The following RPRD1A variants were observed in gnomAD, a reference collection of about 807,000 sequenced individuals.
RPRD1A encodes regulation of nuclear pre-mRNA domain-containing protein 1A.
Under a neutral mutation model 37.8 loss-of-function variants are expected in RPRD1A, and 9 were observed. The ratio of observed to expected loss-of-function variants is 0.24; its 90% CI spans 0.14 to 0.42. RPRD1A has a LOEUF of 0.42. Among genes scored for constraint, RPRD1A ranks in the 10% least tolerant of loss-of-function variants. The pLI is 1.00. For synonymous variants in RPRD1A, 138 were observed against 139.7 expected (o/e 0.99, Z 0.08); for missense variants, 255 against 371.0 (o/e 0.69, Z 2.57).
chr18:35,991,621 G>T lies in RPRD1A; in HGVS notation c.*1530C>A, dbSNP rs1908721871. ...AAATGCACCCCAAGTCCCAAAAGTT[G>T]ACTAAAAACTTTGGAATAAGCCATG... On this transcript the variant is annotated 3_prime_UTR_variant, in exon 7 of 7. Transcript: ENST00000399022. 1 of 152,128 alleles carries T rather than the reference G, an allele frequency of 6.6e-6. No homozygotes were observed. Among genetic ancestry groups the T allele is most frequent in the Non-Finnish European group, 1.5e-5 (1 of 68,024 alleles). 9.4% of individuals were successfully genotyped at this position (152,128 alleles called of 1,614,324 possible).
chr18:36,040,589 C>T (rs915383012), intron 1 of RPRD1A, among the ~76,000 whole-genome samples: 1 of 152,022 alleles, frequency 6.6e-6, no homozygotes, highest in African/African-American at 2.4e-5. Flanking sequence ...CCCTGAGGTA[C>T]GTCATGAAAT....
At position 36,046,092 on chromosome 18, in the gene RPRD1A, T is replaced by C. The variant is rs1475116571; in HGVS notation, c.152-12255A>G. Among the ~76,000 whole-genome samples, 3 of 152,186 alleles carry C rather than the reference T, an allele frequency of 2.0e-5. No homozygotes were observed. The South Asian group carries it at 6.2e-4, about 31-fold the overall frequency. ...ATTAAAATTTTAATATAGGTCATGA[T>C]TTTTCTACTAAAACAGCAAAACAGA... On this transcript the variant is annotated intron_variant, in intron 1 of 6. Coordinates refer to ENST00000399022, the MANE Select transcript of RPRD1A (RefSeq NM_018170.5).
chr18:36,038,779 A>T (rs1349288769), intron 1 of RPRD1A, among the ~76,000 whole-genome samples: 1 of 152,152 alleles, frequency 6.6e-6, no homozygotes, highest in East Asian at 1.9e-4. Flanking sequence ...TGTGCCCTGG[A>T]TGTGAGACAG....
At chr18:36,064,967 G>A (rs2088997566) in intron 1 of RPRD1A, among the ~76,000 whole-genome samples, 1 of 150,612 alleles carries the variant, frequency 6.6e-6, no homozygotes, top group African/African-American at 2.4e-5. Context: ...CTGCCTTTAA[G>A]AGCTGTAACA....
At chr18:36,053,573 A>G (rs1913549998) in intron 1 of RPRD1A, among the ~76,000 whole-genome samples, 2 of 152,198 alleles carry the variant, frequency 1.3e-5, no homozygotes, top group African/African-American at 4.8e-5. Flanking sequence ...TCTGCTGATG[A>G]ACATGCAGGT....
At chr18:36,034,603 T>A (rs1049809505) in intron 1 of RPRD1A, among the ~76,000 whole-genome samples, 1 of 152,220 alleles carries the variant, frequency 6.6e-6, no homozygotes, top group Non-Finnish European at 1.5e-5. Flanking sequence ...TTTTATACTA[T>A]TCTTATATTT....
At position 36,004,881 on chromosome 18, in the gene RPRD1A, C is replaced by A. The variant is rs536615635; in HGVS notation, c.790-11581G>T. 2.0e-5 allele frequency among the ~76,000 whole-genome samples: 3 copies of A among 151,796 alleles called. No homozygotes were observed. The South Asian group carries it at 6.2e-4, about 32-fold the overall frequency. On this transcript the variant is annotated intron_variant, in intron 6 of 6. Coordinates refer to ENST00000399022, the MANE Select transcript of RPRD1A (RefSeq NM_018170.5). ...CCCTGCCACTGCACTTCAGCCTGGG[C>A]AACAGATTGAGACTCTGACTCAAAA...
In RPRD1A at chr18:36,064,117, G is replaced by C. The variant is rs966748783; in HGVS notation, c.151+3137C>G. 2.0e-5 allele frequency: 3 copies of C among 152,274 alleles called. No individual in the cohort carries two copies. In the East Asian group the frequency reaches 5.8e-4, roughly 29 times the overall value. The allele number at this position is 152,274 out of a possible 1,614,324, so 9.4% of individuals were successfully genotyped here. On this transcript the variant is annotated intron_variant, in intron 1 of 6. Transcript: ENST00000399022. ...CTAGCAGCCCTTGCTCGCTCTCGGCGCCTCCTCGGCCTCGGCGTCTGCTCT... is the reference window on the plus strand; with the variant it reads ...CTAGCAGCCCTTGCTCGCTCTCGGCCCCTCCTCGGCCTCGGCGTCTGCTCT...
At chr18:36,002,825 A>C (rs531651203) in intron 6 of RPRD1A, among the ~76,000 whole-genome samples, 1 of 152,296 alleles carries the variant, frequency 6.6e-6, no homozygotes, top group South Asian at 2.1e-4. Flanking sequence ...AAACAAGTCA[A>C]TAGTTTAAGG....
chr18:36,019,169 G>A (rs191573910), intron 6 of RPRD1A, among the ~76,000 whole-genome samples: 4 of 147,794 alleles, frequency 2.7e-5, no homozygotes, highest in Admixed American at 6.9e-5. Context: ...GTGCAGTGGC[G>A]TGATCTTGGC....
chr18:36,059,417 C>A (rs941845917), intron 1 of RPRD1A, among the ~76,000 whole-genome samples: 2 of 152,176 alleles, frequency 1.3e-5, no homozygotes, highest in African/African-American at 2.4e-5. Context: ...GGATTACAGG[C>A]ATGCACCACC....
intron 1 of RPRD1A, among the ~76,000 whole-genome samples, chr18:36,042,969 T>C (rs1481579904): frequency 2.6e-5 from 4 of 152,174 alleles, no homozygotes; most frequent in Admixed American, 1.3e-4. Flanking sequence ...TGGATATATT[T>C]CTCATAAATG....
chr18:36,014,984 GCT>G (rs1280666661), intron 6 of RPRD1A, among the ~76,000 whole-genome samples: 5 of 151,964 alleles, frequency 3.3e-5, no homozygotes, highest in Admixed American at 2.0e-4. Flanking sequence ...GAACCCTCGT[GCT>G]CTGTTGGTGG....
chr18:36,027,482 T>C (rs1247113880), intron 4 of RPRD1A, 172 bp from the exon 5 acceptor site: 24 of 641,114 alleles, frequency 3.7e-5, no homozygotes, highest in Non-Finnish European at 5.7e-5. Flanking sequence ...AAGGAGGCTA[T>C]ACTATGTTAG....
At chr18:36,004,030 G>C (rs1209355008) in intron 6 of RPRD1A, among the ~76,000 whole-genome samples, 1 of 123,606 alleles carries the variant, frequency 8.1e-6, no homozygotes, top group African/African-American at 3.2e-5. Context: ...TTTTTGTAGA[G>C]ACTGGGTTTC....
At chr18:36,025,358 T>C (rs2144267122) in intron 6 of RPRD1A, 1 of 296,406 alleles carries the variant, frequency 3.4e-6, no homozygotes, top group Non-Finnish European at 6.6e-6. Flanking sequence ...ATGTTAACAT[T>C]ATTATTATCA....
At chr18:36,006,124 A>AT (rs1339562542) in intron 6 of RPRD1A, among the ~76,000 whole-genome samples, 1 of 152,222 alleles carries the variant, frequency 6.6e-6, no homozygotes, top group Non-Finnish European at 1.5e-5. Context: ...CTAATGCTAA[A>AT]TAAGTATTAT....
chr18:36,039,031 G>C lies in RPRD1A; in HGVS notation c.152-5194C>G, dbSNP rs141040970. Among the ~76,000 whole-genome samples, 974 of 152,286 alleles carry C rather than the reference G, an allele frequency of 6.4e-3. 11 individuals carry two copies. Among genetic ancestry groups the C allele is most frequent in the African/African-American group, 0.022 (921 of 41,552 alleles). On this transcript the variant is annotated intron_variant, in intron 1 of 6. Coordinates refer to ENST00000399022, the MANE Select transcript of RPRD1A (RefSeq NM_018170.5). Reference sequence around the variant, plus strand: ...GGTGAGACTTTGGGCTTGGACTTTTGAGTTAATGCTAGAATGAGTTAAGAC... The same window carrying C: ...GGTGAGACTTTGGGCTTGGACTTTTCAGTTAATGCTAGAATGAGTTAAGAC...
At chr18:36,020,806 CCTGT>C (rs930372627) in intron 6 of RPRD1A, among the ~76,000 whole-genome samples, 17 of 151,124 alleles carry the variant, frequency 1.1e-4, no homozygotes, top group South Asian at 2.1e-4. Context: ...AAAGTGAGAT[CCTGT>C]CTATTTAAAA....
Sources: gnomAD v4.1 joint callset for allele counts (sites outside exome capture counted in the v4.1 genomes callset) on GRCh38, gnomAD v4.1.1 for gene constraint, MANE v1.5 for transcripts, NCBI Gene and HGNC (gene_info 2026-07-23, HGNC 2026-07-21) for gene names.